The following ZFAT variants were observed in gnomAD, a reference collection of about 807,000 sequenced individuals.
ZFAT encodes zinc finger and AT-hook domain containing.
In ZFAT, 64 loss-of-function variants were observed where a neutral mutation model predicts 117.7. The observed-to-expected ratio is 0.54, with a 90% CI of 0.44 to 0.67. ZFAT has a LOEUF of 0.67. ZFAT is among the 30% of genes least tolerant of loss of function. The pLI is 0.00. For missense variants in ZFAT, 1,433 were observed against 1,584.5 expected, an observed-to-expected ratio of 0.90 and a Z score of 1.62; for synonymous variants, 679 against 615.0, an observed-to-expected ratio of 1.10 and a Z score of -1.54.
intron 3 of ZFAT, among the ~76,000 whole-genome samples, chr8:134,631,759 G>A (rs923383630): frequency 2.6e-5 from 4 of 152,204 alleles, no homozygotes; most frequent in Non-Finnish European, 5.9e-5. Context: ...AGCAAGCCAC[G>A]CGCACTCAAA....
intron 15 of ZFAT, among the ~76,000 whole-genome samples, chr8:134,506,855 T>C (rs1434777997): frequency 2.6e-5 from 4 of 152,264 alleles, no homozygotes; most frequent in Non-Finnish European, 4.4e-5. Context: ...TCTCAAAAGA[T>C]GCTATCCCAT....
intron 15 of ZFAT, among the ~76,000 whole-genome samples, chr8:134,484,253 G>A (rs1817515818): frequency 6.6e-6 from 1 of 152,250 alleles, no homozygotes; most frequent in African/African-American, 2.4e-5. Flanking sequence ...CCAGTCCAGT[G>A]CCACGCTCTT....
intron 15 of ZFAT, among the ~76,000 whole-genome samples, chr8:134,506,316 GC>G (rs1302494339): frequency 6.6e-6 from 1 of 152,166 alleles, no homozygotes; most frequent in Non-Finnish European, 1.5e-5. Flanking sequence ...GGGCCCTTCT[GC>G]CAGGCTGGAG....
intron 3 of ZFAT, among the ~76,000 whole-genome samples, chr8:134,632,197 G>A (rs904856439): frequency 1.3e-5 from 2 of 152,120 alleles, no homozygotes; most frequent in African/African-American, 4.8e-5. Flanking sequence ...TGAAGATGAA[G>A]ATCTTTATGA....
chr8:134,667,388 G>A (rs1832282250), intron 1 of ZFAT, among the ~76,000 whole-genome samples: 1 of 151,760 alleles, frequency 6.6e-6, no homozygotes, highest in African/African-American at 2.4e-5. Context: ...AGCTACTTGG[G>A]AGGCTGAGGC....
chr8:134,659,420 G>A lies in ZFAT; in HGVS notation c.20-1683C>T, dbSNP rs79960266. The stretch of plus-strand genomic sequence containing the variant: ...ATCTCTGATATTGTCTGGAATTGCT[G>A]GTTCATGGAGATACTAAAAGCAGAC... On this transcript the variant is annotated intron_variant, in intron 1 of 15. Coordinates refer to ENST00000377838, the MANE Select transcript of ZFAT (RefSeq NM_020863.4). Among the ~76,000 whole-genome samples the A allele has an allele frequency of 1.0e-3, 152 of 152,248 alleles. 1 individual carries two copies. In the East Asian group the frequency reaches 0.023, roughly 23 times the overall value.
the ZFAT span, among the ~76,000 whole-genome samples, chr8:134,742,195 G>A: frequency 1.4e-3 from 208 of 149,056 alleles, 1 homozygote; most frequent in African/African-American, 5.0e-3. Flanking sequence ...TTTAAGTTCT[G>A]GGATACATGT....
the ZFAT span, among the ~76,000 whole-genome samples, chr8:134,821,686 C>T: frequency 1.3e-5 from 2 of 151,854 alleles, no homozygotes; most frequent in South Asian, 2.1e-4. Flanking sequence ...TTTCCAAGAA[C>T]GAGTAAGAGA....
At chr8:134,571,442 G>T (rs1050597145) in intron 10 of ZFAT, among the ~76,000 whole-genome samples, 1 of 131,960 alleles carries the variant, frequency 7.6e-6, no homozygotes, top group Non-Finnish European at 1.7e-5. Context: ...GCCCCGTGGC[G>T]ACTTCTGTGA....
chr8:134,812,451 C>A, the ZFAT span, among the ~76,000 whole-genome samples: 1 of 152,206 alleles, frequency 6.6e-6, no homozygotes, highest in South Asian at 2.1e-4. Flanking sequence ...TATTATACAG[C>A]CAGGCGCAGT....
intron 11 of ZFAT, among the ~76,000 whole-genome samples, chr8:134,534,629 CA>C (rs200682832): frequency 0.013 from 1,488 of 117,516 alleles, 34 homozygotes; most frequent in African/African-American, 0.047. Flanking sequence ...AGAGAGAGGA[CA>C]GGGGGAGAGA....
At chr8:134,672,203 C>A (rs1021769970) in intron 1 of ZFAT, among the ~76,000 whole-genome samples, 1 of 152,318 alleles carries the variant, frequency 6.6e-6, no homozygotes, top group South Asian at 2.1e-4. Flanking sequence ...AGATTCAATG[C>A]CATCCCCATC....
At chr8:134,531,716 G>A (rs1005859129) in intron 12 of ZFAT, among the ~76,000 whole-genome samples, 3 of 152,214 alleles carry the variant, frequency 2.0e-5, no homozygotes, top group Non-Finnish European at 4.4e-5. Context: ...GCACATGCTC[G>A]CCGTTACCCC....
rs931676433 is a variant in ZFAT at position 134,592,681 on chromosome 8, T to C, written c.2476-2326A>G. Among the ~76,000 whole-genome samples the C allele has an allele frequency of 5.9e-5, 9 of 152,332 alleles. No homozygotes were observed. The East Asian group carries it at 1.7e-3, about 29-fold the overall frequency. The stretch of plus-strand genomic sequence containing the variant: ...GACTTTGCTGCTGTGGTTTCCACAT[T>C]GCTATCATGCAACTCAGCCTGAGAC... On this transcript the variant is annotated intron_variant, in intron 7 of 15. Coordinates refer to ENST00000377838, the MANE Select transcript of ZFAT (RefSeq NM_020863.4).
chr8:134,588,496 G>A, intron 8 of ZFAT, 101 bp from the exon 9 acceptor site: 1 of 1,306,240 alleles, frequency 7.7e-7, no homozygotes, highest in African/African-American at 1.5e-5. Flanking sequence ...AGGAATCAAG[G>A]TGTGCCTCAT....
chr8:134,480,269 C>T (rs924770263), intron 15 of ZFAT, among the ~76,000 whole-genome samples: 3 of 152,216 alleles, frequency 2.0e-5, no homozygotes, highest in Admixed American at 6.5e-5. Flanking sequence ...GCCTCAACCA[C>T]ACTTTCTTAA....
chr8:134,649,122 G>A (rs1424609897), intron 2 of ZFAT, among the ~76,000 whole-genome samples: 1 of 146,948 alleles, frequency 6.8e-6, no homozygotes, highest in Non-Finnish European at 1.5e-5. Context: ...AACAAACCAA[G>A]AATAAAAAGA....
intron 15 of ZFAT, among the ~76,000 whole-genome samples, chr8:134,497,448 G>C (rs542955253): frequency 1.4e-5 from 2 of 145,916 alleles, no homozygotes; most frequent in East Asian, 4.2e-4. Flanking sequence ...GGGTGGAGCC[G>C]TGATGCCCCT....
chr8:134,542,392 A>ATTTTGTTACC (rs1822322935), intron 11 of ZFAT, among the ~76,000 whole-genome samples: 1 of 152,190 alleles, frequency 6.6e-6, no homozygotes, highest in African/African-American at 2.4e-5. Flanking sequence ...TGTACAGATA[A>ATTTTGTTACC]TTTTGTTACC....
Sources: gnomAD v4.1 joint callset for allele counts (sites outside exome capture counted in the v4.1 genomes callset) on GRCh38, gnomAD v4.1.1 for gene constraint, MANE v1.5 for transcripts, NCBI Gene and HGNC (gene_info 2026-07-23, HGNC 2026-07-21) for gene names.